PTPRM: variants seen among roughly 807,000 people sequenced by gnomAD.
PTPRM encodes the protein protein tyrosine phosphatase receptor type M, also known as receptor-type tyrosine-protein phosphatase mu.
In PTPRM, 47 loss-of-function variants were observed where a neutral mutation model predicts 186.7. The observed-to-expected ratio is 0.25, with a 90% CI of 0.20 to 0.32. The LOEUF is 0.32. Among genes scored for constraint, PTPRM ranks in the 10% least tolerant of loss-of-function variants. The pLI is 1.00. For synonymous variants in PTPRM, 668 were observed against 674.9 expected, an observed-to-expected ratio of 0.99 and a Z score of 0.16; for missense variants, 1,494 against 1,865.0, an observed-to-expected ratio of 0.80 and a Z score of 3.66.
At chr18:7,612,306 C>T (rs1325097934) in intron 1 of PTPRM, among the ~76,000 whole-genome samples, 1 of 152,062 alleles carries the variant, frequency 6.6e-6, no homozygotes, top group East Asian at 1.9e-4. Context: ...AAGGTGCTGG[C>T]CACATTTTCT....
rs1013283244 is a variant in PTPRM, at chr18:7,714,676, A to G, written c.74-59473A>G. On this transcript the variant is annotated intron_variant, in intron 1 of 32. Transcript: ENST00000580170. ...AATCAAAAGACACAATAAAAATGAT[A>G]AAGGGGGTATCACCACTGATCCCAC... 1.7e-4 allele frequency among the ~76,000 whole-genome samples: 26 copies of G among 152,196 alleles called. 1 individual carries two copies. Among genetic ancestry groups the G allele is most frequent in the Non-Finnish European group, 3.8e-4 (26 of 68,038 alleles).
chr18:7,795,128 C>T (rs1176963707), intron 2 of PTPRM, among the ~76,000 whole-genome samples: 1 of 152,202 alleles, frequency 6.6e-6, no homozygotes, highest in Non-Finnish European at 1.5e-5. Flanking sequence ...AGGCGTTTGG[C>T]TGCTGGCAGG....
intron 7 of PTPRM, among the ~76,000 whole-genome samples, chr18:8,025,553 T>C (rs2148006991): frequency 6.6e-6 from 1 of 152,374 alleles, no homozygotes; most frequent in South Asian, 2.1e-4. Context: ...TGTTGATTCA[T>C]TTAACAATTA....
At chr18:8,003,270 T>A (rs8095629) in intron 7 of PTPRM, among the ~76,000 whole-genome samples, 5,690 of 152,260 alleles carry the variant, frequency 0.037, 339 homozygotes, top group African/African-American at 0.13. Context: ...CTGCACAAGC[T>A]CCCTCTTGCC....
intron 5 of PTPRM, among the ~76,000 whole-genome samples, chr18:7,930,570 C>A (rs2051426170): frequency 6.6e-6 from 1 of 152,080 alleles, no homozygotes; most frequent in Non-Finnish European, 1.5e-5. Context: ...TTTTATTTCA[C>A]CTTTAAGTAA....
intron 22 of PTPRM, among the ~76,000 whole-genome samples, chr18:8,335,883 G>A (rs546371692): frequency 2.6e-4 from 40 of 152,260 alleles, no homozygotes; most frequent in South Asian, 2.1e-3. Context: ...CTAGCTGGGC[G>A]TGGTAGCGCA....
intron 2 of PTPRM, among the ~76,000 whole-genome samples, chr18:7,857,456 A>G (rs1416569500): frequency 6.6e-6 from 1 of 152,188 alleles, no homozygotes; most frequent in Non-Finnish European, 1.5e-5. Context: ...AGAAATCTTC[A>G]TGCAAAGGCT....
At chr18:8,373,859 T>C (rs1193082939) in intron 24 of PTPRM, among the ~76,000 whole-genome samples, 2 of 149,122 alleles carry the variant, frequency 1.3e-5, no homozygotes, top group African/African-American at 5.0e-5. Flanking sequence ...CACTGCAGCC[T>C]GGGCAACAGA....
At chr18:8,021,315 GAGACACACACAC>G (rs1343987938) in intron 7 of PTPRM, among the ~76,000 whole-genome samples, 8 of 99,134 alleles carry the variant, frequency 8.1e-5, no homozygotes, top group African/African-American at 2.2e-4. Context: ...AAGCATAAAA[GAGACACACACAC>G]ACACACACAC....
intron 7 of PTPRM, among the ~76,000 whole-genome samples, chr18:8,025,695 C>A (rs2085527124): frequency 6.6e-6 from 1 of 152,126 alleles, no homozygotes. Context: ...AGAAAAATAT[C>A]TTGACCTAAA....
intron 7 of PTPRM, among the ~76,000 whole-genome samples, chr18:8,033,682 T>G (rs752413908): frequency 2.6e-5 from 4 of 152,254 alleles, no homozygotes; most frequent in Admixed American, 6.5e-5. Flanking sequence ...AATACCATTC[T>G]CTGGGGCATC....
intron 4 of PTPRM, among the ~76,000 whole-genome samples, chr18:7,917,965 T>G (rs941150591): frequency 6.6e-6 from 1 of 152,172 alleles, no homozygotes; most frequent in African/African-American, 2.4e-5. Context: ...TTATTTCACT[T>G]AACATAAGGC....
At chr18:8,295,585 G>A (rs780352401) in intron 19 of PTPRM, among the ~76,000 whole-genome samples, 58 of 152,024 alleles carry the variant, frequency 3.8e-4, no homozygotes, top group African/African-American at 1.3e-3. Context: ...TGTGAGTACC[G>A]TGGCAAAAAC....
At chr18:8,236,135 T>G (rs945467604) in intron 14 of PTPRM, among the ~76,000 whole-genome samples, 7 of 152,240 alleles carry the variant, frequency 4.6e-5, no homozygotes, top group African/African-American at 1.7e-4. Flanking sequence ...ACTGATTTTC[T>G]GCCTGCTGAG....
At chr18:8,360,389 A>C (rs1568826782) in intron 23 of PTPRM, among the ~76,000 whole-genome samples, 1 of 120,736 alleles carries the variant, frequency 8.3e-6, no homozygotes, top group African/African-American at 3.4e-5. Context: ...TCTGCCGTGA[A>C]ATCTATGCAA....
At chr18:8,127,418 G>GTTT (rs10700223) in intron 13 of PTPRM, among the ~76,000 whole-genome samples, 87,531 of 133,486 alleles carry the variant, frequency 0.66, 29,974 homozygotes, top group East Asian at 0.83. Context: ...CAGCTGTATT[G>GTTT]TTTTTTTTTT....
At chr18:8,044,095 T>C (rs548161486) in intron 7 of PTPRM, among the ~76,000 whole-genome samples, 3 of 152,328 alleles carry the variant, frequency 2.0e-5, no homozygotes, top group East Asian at 1.9e-4. Context: ...AGGATCATCC[T>C]ACAGATGAAG....
intron 16 of PTPRM, 68 bp downstream of exon 16, chr18:8,247,987 C>T (rs2094493649): frequency 7.0e-7 from 1 of 1,422,156 alleles, no homozygotes; most frequent in South Asian, 1.2e-5. Flanking sequence ...CGCCCTCTCT[C>T]TGCTATCCCT....
intron 31 of PTPRM, among the ~76,000 whole-genome samples, chr18:8,393,062 A>G (rs922304608): frequency 1.3e-5 from 2 of 152,346 alleles, no homozygotes; most frequent in Admixed American, 1.3e-4. Flanking sequence ...AGTGGGCGAG[A>G]AACAAAATAT....
Sources: gnomAD v4.1 joint callset for allele counts (sites outside exome capture counted in the v4.1 genomes callset) on GRCh38, gnomAD v4.1.1 for gene constraint, MANE v1.5 for transcripts, NCBI Gene and HGNC (gene_info 2026-07-23, HGNC 2026-07-21) for gene names.